The following CCDC91 variants were observed in gnomAD, a reference collection of about 807,000 sequenced individuals.
CCDC91 encodes the protein coiled-coil domain containing 91, also known as coiled-coil domain-containing protein 91.
Under a neutral mutation model 63.2 loss-of-function variants are expected in CCDC91, and 48 were observed. The ratio of observed to expected loss-of-function variants is 0.76; its 90% confidence interval spans 0.60 to 0.97. The LOEUF (loss-of-function observed/expected upper bound fraction) is 0.97, where lower values mean the gene tolerates loss of function less well. Among genes scored for constraint, CCDC91 ranks in the 50% least tolerant of loss-of-function variants. CCDC91 has a pLI of 0.00. For missense variants in CCDC91, 500 were observed against 494.6 expected (o/e 1.01, Z -0.10); for synonymous variants, 167 against 165.8 (o/e 1.01, Z -0.06).
At chr12:28,413,763 A>G (rs1947470048) in intron 8 of CCDC91, among the ~76,000 whole-genome samples, 1 of 152,226 alleles carries the variant, frequency 6.6e-6, no homozygotes, top group Admixed American at 6.5e-5. Flanking sequence ...TTATGCTCCC[A>G]TGAAATAATC....
intron 3 of CCDC91, among the ~76,000 whole-genome samples, chr12:28,280,127 C>T (rs1948508797): frequency 6.6e-6 from 1 of 152,102 alleles, no homozygotes; most frequent in Admixed American, 6.5e-5. Context: ...AGTGTACAGA[C>T]TAGAACAGAA....
chr12:28,416,757 A>T (rs1592609916), intron 8 of CCDC91, among the ~76,000 whole-genome samples: 1 of 152,256 alleles, frequency 6.6e-6, no homozygotes, highest in East Asian at 1.9e-4. Context: ...GCCTAGTCAA[A>T]AACAGAGCTT....
At chr12:28,355,077 C>G (rs1943433586) in intron 6 of CCDC91, among the ~76,000 whole-genome samples, 1 of 151,944 alleles carries the variant, frequency 6.6e-6, no homozygotes, top group Non-Finnish European at 1.5e-5. Flanking sequence ...TTTCCTCTTC[C>G]TACATCGTTT....
At chr12:28,236,787 GA>G (rs1344727806) in intron 1 of CCDC91, 1 of 151,888 alleles carries the variant, frequency 6.6e-6, no homozygotes, top group Non-Finnish European at 1.5e-5. Context: ...AAAGTTTGTT[GA>G]AAAAATATAT....
chr12:28,309,239 G>C, intron 6 of CCDC91, among the ~76,000 whole-genome samples: 1 of 152,018 alleles, frequency 6.6e-6, no homozygotes, highest in East Asian at 1.9e-4. Context: ...CCCACCTCAG[G>C]AGTACTTAGG....
intron 11 of CCDC91, 142 bp downstream of exon 11, chr12:28,452,796 G>T: frequency 2.6e-6 from 1 of 380,512 alleles, no homozygotes; most frequent in South Asian, 1.1e-4. Flanking sequence ...TCATTTTGAT[G>T]TTTATATTTT....
At chr12:28,278,482 C>G (rs1948391234) in intron 3 of CCDC91, among the ~76,000 whole-genome samples, 1 of 151,986 alleles carries the variant, frequency 6.6e-6, no homozygotes, top group South Asian at 2.1e-4. Flanking sequence ...AACATATCTC[C>G]CCTTTTACTG....
intron 11 of CCDC91, among the ~76,000 whole-genome samples, chr12:28,464,805 C>T (rs566781415): frequency 2.6e-5 from 4 of 152,126 alleles, no homozygotes; most frequent in South Asian, 4.2e-4. Context: ...TGCTAGAGAA[C>T]GGTAGAGGGA....
At chr12:28,478,653 A>G (rs1374913111) in intron 11 of CCDC91, among the ~76,000 whole-genome samples, 1 of 152,204 alleles carries the variant, frequency 6.6e-6, no homozygotes, top group Non-Finnish European at 1.5e-5. Context: ...AGCAAAAGAA[A>G]CTACCATCAG....
intron 6 of CCDC91, among the ~76,000 whole-genome samples, chr12:28,361,337 C>G (rs1472694531): frequency 6.6e-6 from 1 of 151,946 alleles, no homozygotes; most frequent in Non-Finnish European, 1.5e-5. Flanking sequence ...CCCACTCCCC[C>G]CACCCCACAA....
intron 3 of CCDC91, among the ~76,000 whole-genome samples, chr12:28,269,823 G>A (rs1947617858): frequency 6.6e-6 from 1 of 152,078 alleles, no homozygotes; most frequent in Non-Finnish European, 1.5e-5. Flanking sequence ...CTGTTATTAG[G>A]AATCTCCTGA....
At chr12:28,372,504 T>A (rs11049560) in intron 7 of CCDC91, among the ~76,000 whole-genome samples, 62,368 of 150,506 alleles carry the variant, frequency 0.41, 13,126 homozygotes, top group Middle Eastern at 0.49. Context: ...TGCTTTTTTT[T>A]AAAATTTTTT....
intron 12 of CCDC91, among the ~76,000 whole-genome samples, chr12:28,523,829 T>C (rs991094776): frequency 1.4e-3 from 216 of 152,286 alleles, no homozygotes; most frequent in Admixed American, 4.4e-3. Flanking sequence ...CTCCTTCACT[T>C]ATGAAGCTTA....
rs1949855134 is a variant in CCDC91, at chr12:28,452,466, T to C, written c.925-12T>C. 6.6e-7 allele frequency: 1 copy of C among 1,524,280 alleles called. No individual in the cohort carries two copies. Among genetic ancestry groups the C allele is most frequent in the Admixed American group, 2.1e-5 (1 of 47,686 alleles). The allele number at this position is 1,524,280 out of a possible 1,614,324, so 94.4% of individuals were successfully genotyped here. A position where few individuals can be genotyped will look rare whatever the true frequency, so the allele number is the denominator to read the frequency against. On this transcript the variant is annotated splice_polypyrimidine_tract_variant and intron_variant, in intron 10 of 12. Coordinates refer to ENST00000536442, the MANE Select transcript of CCDC91 (RefSeq NM_018318.5). ...TCTTTCAAATTTGTTCTGGTCTTTATTTATTTTGAAGCTTGAAAAAGAAGC... is the reference window on the plus strand; with the variant it reads ...TCTTTCAAATTTGTTCTGGTCTTTACTTATTTTGAAGCTTGAAAAAGAAGC...
chr12:28,200,164 A>G (rs1942102554), intron 1 of CCDC91, among the ~76,000 whole-genome samples: 1 of 149,200 alleles, frequency 6.7e-6, no homozygotes, highest in African/African-American at 2.5e-5. Context: ...TAGCCTGGAT[A>G]ATCTCAATTG....
chr12:28,527,115 G>A (rs891955384), intron 12 of CCDC91, among the ~76,000 whole-genome samples: 1 of 151,948 alleles, frequency 6.6e-6, no homozygotes, highest in African/African-American at 2.4e-5. Context: ...GGTAAATCAG[G>A]GATTTCTTCT....
At chr12:28,285,540 A>T (rs547250848) in intron 3 of CCDC91, among the ~76,000 whole-genome samples, 2 of 151,962 alleles carry the variant, frequency 1.3e-5, no homozygotes, top group Non-Finnish European at 2.9e-5. Context: ...TGGAATAAAG[A>T]GAATTAAATA....
intron 1 of CCDC91, chr12:28,255,682 C>T (rs1055487588): frequency 6.6e-6 from 1 of 152,028 alleles, no homozygotes; most frequent in African/African-American, 2.4e-5. Context: ...GGTAATGATA[C>T]CATGATTATA....
At chr12:28,362,297 T>TATATATATATATATA (rs1241655538) in intron 6 of CCDC91, 141 bp from the exon 7 acceptor site, 12 of 491,418 alleles carry the variant, frequency 2.4e-5, no homozygotes, top group Non-Finnish European at 4.1e-5. Context: ...TATATATATG[T>TATATATATATATATA]TTTCTCTTTG....
Sources: gnomAD v4.1 joint callset for allele counts (sites outside exome capture counted in the v4.1 genomes callset) on GRCh38, gnomAD v4.1.1 for gene constraint, MANE v1.5 for transcripts, NCBI Gene and HGNC (gene_info 2026-07-23, HGNC 2026-07-21) for gene names.